The following SH3KBP1 variants were observed in gnomAD, a reference collection of about 807,000 sequenced individuals.
SH3KBP1 encodes SH3 domain containing kinase binding protein 1.
Under a neutral mutation model 50.1 loss-of-function variants are expected in SH3KBP1, and 8 were observed. The observed-to-expected ratio is 0.16, with a 90% CI of 0.09 to 0.29. SH3KBP1 has a LOEUF of 0.29. SH3KBP1 is among the 10% of genes least tolerant of loss of function. The probability of loss-of-function intolerance (pLI) is 1.00; values close to 1 mark genes in which losing one functional copy is unlikely to be tolerated. For synonymous variants in SH3KBP1, 227 were observed against 218.6 expected (o/e 1.04, Z -0.34); for missense variants, 377 against 535.2 (o/e 0.70, Z 2.92).
At chrX:19,587,403 T>C (rs2066605855) in intron 12 of SH3KBP1, among the ~76,000 whole-genome samples, 1 of 110,486 alleles carries the variant, frequency 9.1e-6, no homozygotes. Flanking sequence ...AAAAGAGTTC[T>C]GGAAATGGTT....
intron 14 of SH3KBP1, among the ~76,000 whole-genome samples, chrX:19,547,075 C>T (rs1371345664): frequency 1.8e-5 from 2 of 109,590 alleles, no homozygotes; most frequent in African/African-American, 6.7e-5. Context: ...TCACTTGAGC[C>T]CCGGAGGTCG....
At chrX:19,643,300 A>ATTT (rs201544483) in intron 7 of SH3KBP1, among the ~76,000 whole-genome samples, 4,316 of 86,436 alleles carry the variant, frequency 0.05, 459 homozygotes, top group African/African-American at 0.064. Flanking sequence ...AAACTGAAGA[A>ATTT]TTTTTTATTT....
chrX:19,563,698 C>T (rs73631355), intron 13 of SH3KBP1, among the ~76,000 whole-genome samples: 3,775 of 112,139 alleles, frequency 0.034, 149 homozygotes, highest in African/African-American at 0.11. Context: ...CACGTCCACA[C>T]ATGGGCACCG....
chrX:19,820,582 G>A (rs1023890186), intron 2 of SH3KBP1, among the ~76,000 whole-genome samples: 1 of 109,911 alleles, frequency 9.1e-6, no homozygotes, highest in Non-Finnish European at 1.9e-5. Flanking sequence ...TACTTCCAAC[G>A]TGCCTATATC....
At chrX:19,564,871 G>C (rs1207803437) in intron 13 of SH3KBP1, among the ~76,000 whole-genome samples, 1 of 108,883 alleles carries the variant, frequency 9.2e-6, no homozygotes, top group Admixed American at 9.9e-5. Context: ...ATGGTTAGCA[G>C]CATCCTTGGC....
At chrX:19,866,778 A>G (rs894966855) in intron 1 of SH3KBP1, among the ~76,000 whole-genome samples, 2 of 111,443 alleles carry the variant, frequency 1.8e-5, no homozygotes, top group African/African-American at 6.5e-5. Flanking sequence ...ATACAGCAGA[A>G]GTGGTCTAGG....
At chrX:19,782,696 C>T (rs181771102) in intron 2 of SH3KBP1, among the ~76,000 whole-genome samples, 38 of 112,113 alleles carry the variant, frequency 3.4e-4, no homozygotes, top group African/African-American at 1.2e-3. Context: ...GCTCTGTCAC[C>T]GCTCTGACAG....
chrX:19,611,757 T>C (rs2148135023), intron 8 of SH3KBP1, among the ~76,000 whole-genome samples: 1 of 110,601 alleles, frequency 9.0e-6, no homozygotes, highest in South Asian at 3.9e-4. Context: ...GGATGGCCCA[T>C]CTATATTCTG....
At chrX:19,737,225 T>C (rs1289478246) in intron 3 of SH3KBP1, among the ~76,000 whole-genome samples, 1 of 111,486 alleles carries the variant, frequency 9.0e-6, no homozygotes, top group Non-Finnish European at 1.9e-5. Flanking sequence ...TTACCTTTCA[T>C]TAATCTAGCA....
At chrX:19,745,539 T>C (rs2064894898) in intron 3 of SH3KBP1, among the ~76,000 whole-genome samples, 1 of 111,962 alleles carries the variant, frequency 8.9e-6, no homozygotes, top group Admixed American at 9.5e-5. Context: ...AACAGCTCTC[T>C]ATTTCTCTTT....
chrX:19,884,740 A>G (rs1290452386), intron 1 of SH3KBP1, among the ~76,000 whole-genome samples: 1 of 111,753 alleles, frequency 8.9e-6, no homozygotes, highest in Non-Finnish European at 1.9e-5. Flanking sequence ...TTCACTACTC[A>G]CAGATTTGGG....
At position 19,572,330 on chromosome X, in the gene SH3KBP1, A is replaced by G. The variant is rs760509704; in HGVS notation, c.1299-3142T>C. On this transcript the variant is annotated intron_variant, in intron 12 of 17. Transcript: ENST00000397821. ...AGTACATATGTTATATAGTACATAT[A>G]TATGTTATATATAGTACATATATAT... 3.8e-5 allele frequency among the ~76,000 whole-genome samples: 4 copies of G among 105,612 alleles called. No homozygotes were observed. The South Asian group carries it at 1.5e-3, about 40-fold the overall frequency. The allele number at this position is 105,612 out of a possible 115,157, so 91.7% of individuals were successfully genotyped here. A position where few individuals can be genotyped will look rare whatever the true frequency, so the allele number is the denominator to read the frequency against.
intron 3 of SH3KBP1, among the ~76,000 whole-genome samples, chrX:19,708,571 C>T (rs1050670427): frequency 6.0e-4 from 67 of 111,340 alleles, no homozygotes; most frequent in African/African-American, 2.1e-3. Flanking sequence ...ATGCAAAGAA[C>T]GCCACCACTA....
At chrX:19,654,035 A>G (rs1358930439) in intron 6 of SH3KBP1, among the ~76,000 whole-genome samples, 1 of 111,445 alleles carries the variant, frequency 9.0e-6, no homozygotes, top group East Asian at 2.8e-4. Flanking sequence ...TCTGTCCAAT[A>G]AAAACTTTAG....
intron 14 of SH3KBP1, 96 bp from the exon 15 acceptor site, chrX:19,546,146 ACTG>A: frequency 1.0e-6 from 1 of 994,496 alleles, no homozygotes. Context: ...AGCACTCGAC[ACTG>A]CTATTTTGTC....
intron 13 of SH3KBP1, among the ~76,000 whole-genome samples, chrX:19,561,623 G>A (rs190118352): frequency 8.5e-4 from 95 of 111,154 alleles, no homozygotes; most frequent in African/African-American, 3.0e-3. Context: ...GAACTGGCAC[G>A]TGTCTGCGCC....
At chrX:19,557,975 C>T (rs1352683518) in intron 13 of SH3KBP1, among the ~76,000 whole-genome samples, 1 of 112,122 alleles carries the variant, frequency 8.9e-6, no homozygotes, top group East Asian at 2.8e-4. Flanking sequence ...AGTCTTGCTT[C>T]GAGGAGAGGT....
rs2066985093 is a variant in SH3KBP1, at chrX:19,598,661, G to T, written c.1006-3661C>A. On this transcript the variant is annotated intron_variant, in intron 9 of 17. Transcript: ENST00000397821. Reference sequence around the variant, plus strand: ...TGTTAGTTTGCCTCATTTCAACATTGTTACATACCAGGAAATAGTGAAGCC... The same window carrying T: ...TGTTAGTTTGCCTCATTTCAACATTTTTACATACCAGGAAATAGTGAAGCC... 2.7e-5 allele frequency among the ~76,000 whole-genome samples: 3 copies of T among 111,198 alleles called. No homozygotes were observed. In the Admixed American group the frequency reaches 2.9e-4, roughly 11 times the overall value.
At chrX:19,634,031 GGTGTGTGTGTGTGTGTGTGTGTGT>G (rs60109180) in intron 7 of SH3KBP1, among the ~76,000 whole-genome samples, 195 of 32,165 alleles carry the variant, frequency 6.1e-3, no homozygotes, top group African/African-American at 0.018. Flanking sequence ...TTTGTTCCCT[GGTGTGTGTGTGTGTGTGTGTGTGT>G]GTGTGTGTGT....
Sources: allele counts gnomAD v4.1 joint callset (sites outside exome capture counted in the v4.1 genomes callset), GRCh38; gene constraint gnomAD v4.1.1; transcripts MANE v1.5; gene names NCBI Gene and HGNC (gene_info 2026-07-23, HGNC 2026-07-21).